Variants in APBA2 observed in about 807,000 individuals in gnomAD.
APBA2 encodes the protein amyloid-beta A4 precursor protein-binding family A member 2.
In APBA2, 30 loss-of-function variants were observed where a neutral mutation model predicts 75.0. That is an observed-to-expected ratio of 0.40 (90% CI 0.30 to 0.54). APBA2 has a LOEUF of 0.54. APBA2 is among the 20% of genes least tolerant of loss of function. The pLI is 0.49. For missense variants in APBA2, 801 were observed against 1,016.1 expected (o/e 0.79, Z 2.88); for synonymous variants, 444 against 409.6 (o/e 1.08, Z -1.01).
chr15:28,900,154 C>A (rs145968819), intron 1 of APBA2, among the ~76,000 whole-genome samples: 119 of 152,272 alleles, frequency 7.8e-4, no homozygotes, highest in Non-Finnish European at 1.3e-3. Flanking sequence ...CTTGACCCTG[C>A]GCCCCGTGGG....
intron 13 of APBA2, among the ~76,000 whole-genome samples, chr15:29,108,913 C>T (rs183865966): frequency 2.6e-4 from 40 of 152,276 alleles, no homozygotes; most frequent in Middle Eastern, 3.4e-3. Flanking sequence ...GTGGTTCTGG[C>T]CAAAAACCTG....
At chr15:29,012,210 A>G (rs1487524365) in intron 3 of APBA2, among the ~76,000 whole-genome samples, 1 of 152,214 alleles carries the variant, frequency 6.6e-6, no homozygotes, top group African/African-American at 2.4e-5. Context: ...GGATTCTATT[A>G]GGAGACTGCT....
intron 3 of APBA2, among the ~76,000 whole-genome samples, chr15:29,028,862 T>G (rs888809345): frequency 6.6e-6 from 1 of 151,966 alleles, no homozygotes; most frequent in East Asian, 1.9e-4. Flanking sequence ...GTTGTTTGGG[T>G]TTTTTTTCTT....
At chr15:28,986,558 G>A (rs1028910663) in intron 2 of APBA2, among the ~76,000 whole-genome samples, 2 of 152,136 alleles carry the variant, frequency 1.3e-5, no homozygotes, top group African/African-American at 4.8e-5. Flanking sequence ...AAGTGCAGTG[G>A]TATGATCTTG....
chr15:28,968,439 C>A (rs914432496), intron 2 of APBA2, among the ~76,000 whole-genome samples: 1 of 152,178 alleles, frequency 6.6e-6, no homozygotes, highest in African/African-American at 2.4e-5. Flanking sequence ...GGAACATCTC[C>A]CTTCTTATTT....
intron 1 of APBA2, among the ~76,000 whole-genome samples, chr15:28,888,214 T>C (rs1218242474): frequency 2.0e-5 from 3 of 152,204 alleles, no homozygotes; most frequent in Non-Finnish European, 4.4e-5. Flanking sequence ...GGTGCATAAA[T>C]ACCTAGTTTG....
chr15:28,975,751 A>G (rs1243418844), intron 2 of APBA2, among the ~76,000 whole-genome samples: 2 of 152,288 alleles, frequency 1.3e-5, no homozygotes, highest in East Asian at 1.9e-4. Flanking sequence ...TGCATCTTAT[A>G]TCACAAAGCT....
chr15:28,975,222 TG>T (rs2037272434), intron 2 of APBA2, among the ~76,000 whole-genome samples: 1 of 140,728 alleles, frequency 7.1e-6, no homozygotes, highest in Non-Finnish European at 1.5e-5. Flanking sequence ...AAATTCCTAC[TG>T]GAAAAAAATT....
intron 1 of APBA2, among the ~76,000 whole-genome samples, chr15:28,899,032 C>G (rs1432629693): frequency 1.3e-5 from 2 of 152,184 alleles, no homozygotes; most frequent in Non-Finnish European, 2.9e-5. Context: ...CACAAGTAAC[C>G]AAATGTTTAA....
chr15:29,083,327 A>G (rs902824456), intron 6 of APBA2, among the ~76,000 whole-genome samples: 1 of 152,110 alleles, frequency 6.6e-6, no homozygotes, highest in African/African-American at 2.4e-5. Context: ...TGGATCTGTT[A>G]CAGGGACGGT....
intron 1 of APBA2, among the ~76,000 whole-genome samples, chr15:28,909,105 G>A (rs1346412047): frequency 2.0e-5 from 3 of 150,646 alleles, no homozygotes; most frequent in Non-Finnish European, 4.4e-5. Flanking sequence ...TCCTACCTCA[G>A]CCTCCCAAGT....
chr15:28,934,433 C>T (rs1334817407), intron 2 of APBA2, among the ~76,000 whole-genome samples: 1 of 152,122 alleles, frequency 6.6e-6, no homozygotes, highest in East Asian at 1.9e-4. Context: ...GGCAGCTCAA[C>T]GCTGGTCTTT....
At chr15:28,919,155 C>T (rs546137313) in intron 1 of APBA2, among the ~76,000 whole-genome samples, 1 of 152,314 alleles carries the variant, frequency 6.6e-6, no homozygotes, top group South Asian at 2.1e-4. Context: ...CCACTGCGCC[C>T]GGCCGGTTGT....
chr15:29,031,648 A>T (rs1335897060), intron 3 of APBA2, among the ~76,000 whole-genome samples: 1 of 152,000 alleles, frequency 6.6e-6, no homozygotes, highest in African/African-American at 2.4e-5. Flanking sequence ...GATCCTGCTG[A>T]TTGGTGCATG....
chr15:28,936,107 A>G (rs1206849834), intron 2 of APBA2, among the ~76,000 whole-genome samples: 2 of 152,154 alleles, frequency 1.3e-5, no homozygotes, highest in Non-Finnish European at 2.9e-5. Context: ...ATAGACGCAG[A>G]GTTTGGCTTG....
intron 1 of APBA2, among the ~76,000 whole-genome samples, chr15:28,899,246 G>A (rs1256236199): frequency 1.3e-5 from 2 of 152,162 alleles, no homozygotes; most frequent in Non-Finnish European, 2.9e-5. Flanking sequence ...CCCCAGAGGC[G>A]CCCCATCTCC....
intron 1 of APBA2, among the ~76,000 whole-genome samples, chr15:28,903,297 GTGACC>G (rs2032965228): frequency 6.6e-6 from 1 of 152,216 alleles, no homozygotes; most frequent in African/African-American, 2.4e-5. Flanking sequence ...ATAGACGATA[GTGACC>G]AAAGCTGTTG....
At chr15:28,974,050 T>A (rs572703904) in intron 2 of APBA2, among the ~76,000 whole-genome samples, 2 of 152,134 alleles carry the variant, frequency 1.3e-5, no homozygotes, top group African/African-American at 4.8e-5. Flanking sequence ...CAAGACTGAT[T>A]TTCAGATTGG....
chr15:29,088,261 GC>G (rs1036290857), intron 6 of APBA2, among the ~76,000 whole-genome samples: 1 of 152,106 alleles, frequency 6.6e-6, no homozygotes, highest in African/African-American at 2.4e-5. Context: ...GCTTCATCCT[GC>G]CCCCTTGCCC....
Sources: allele counts gnomAD v4.1 joint callset (sites outside exome capture counted in the v4.1 genomes callset), GRCh38; gene constraint gnomAD v4.1.1; transcripts MANE v1.5; gene names NCBI Gene and HGNC (gene_info 2026-07-23, HGNC 2026-07-21).